RYR2: variants seen among roughly 807,000 people sequenced by gnomAD.
RYR2 encodes cardiac muscle ryanodine receptor-calcium release channel.
In RYR2, 227 loss-of-function variants were observed where a neutral mutation model predicts 601.1. The observed-to-expected ratio is 0.38, with a 90% confidence interval of 0.34 to 0.42. The LOEUF is 0.42. RYR2 is among the 10% of genes least tolerant of loss of function. The pLI, the probability that RYR2 is intolerant of heterozygous loss-of-function variation, is 1.00. For missense variants in RYR2, 4,646 were observed against 6,156.5 expected, an observed-to-expected ratio of 0.75 and a Z score of 8.21; for synonymous variants, 2,223 against 2,175.1, an observed-to-expected ratio of 1.02 and a Z score of -0.61.
In RYR2 at chr1:237,269,322, T is replaced by C. The variant is rs904548011; in HGVS notation, c.49-1175T>C. The stretch of plus-strand genomic sequence containing the variant: ...CCTCCCAAAGTGCTGGGATTATAGG[T>C]GTGAGCCACCGCGCCCGGCCATATA... On this transcript the variant is annotated intron_variant, in intron 1 of 104. Coordinates refer to ENST00000366574, the MANE Select transcript of RYR2 (RefSeq NM_001035.3). Among the ~76,000 whole-genome samples the C allele has an allele frequency of 1.1e-4, 17 of 151,712 alleles. No individual in the cohort carries two copies. In the South Asian group the frequency reaches 1.5e-3, roughly 13 times the overall value.
chr1:237,457,579 A>G (rs1047323244), intron 16 of RYR2, among the ~76,000 whole-genome samples: 1 of 152,220 alleles, frequency 6.6e-6, no homozygotes, highest in African/African-American at 2.4e-5. Flanking sequence ...AAGGGGACAG[A>G]TGACACCTGC....
At chr1:237,732,521 GTAGA>G (rs1427271977) in intron 78 of RYR2, among the ~76,000 whole-genome samples, 1 of 152,170 alleles carries the variant, frequency 6.6e-6, no homozygotes, top group Non-Finnish European at 1.5e-5. Flanking sequence ...AATTTTCTGG[GTAGA>G]TAGTGTCTCC....
intron 12 of RYR2, among the ~76,000 whole-genome samples, chr1:237,439,469 A>G (rs12028845): frequency 0.56 from 85,440 of 151,704 alleles, 24,626 homozygotes; most frequent in East Asian, 0.71. Flanking sequence ...ACATGGTGCA[A>G]TCTGTCTCTA....
chr1:237,654,278 T>G lies in RYR2; in HGVS notation c.7829T>G (p.Leu2610Arg). ...TATAATTGTTTTCCCACATAGCTGC[T>G]GACAAATCATTATGAAAGATGCTGG... The part of the protein sequence containing the change: ...NEHAKMPLKL[L>R]TNHYERCWKY... Residue 2610 changes from leucine to arginine, a missense_variant, in exon 52 of 105, where the codon CTG (leucine) becomes CGG (arginine). Physicochemically the swap from Leu to Arg is moderately radical, Grantham distance 102. Around this residue, in one of 17 missense-constraint regions of RYR2, gnomAD observed 1,497 missense variants for 1,842.6 expected, o/e 0.81. Transcript: ENST00000366574. 6.2e-7 allele frequency: 1 copy of G among 1,613,690 alleles called. No homozygotes were observed. The highest frequency in any genetic ancestry group is 8.5e-7 in the Non-Finnish European group (1 of 1,179,788).
At chr1:237,629,335 C>A (rs554022515) in intron 41 of RYR2, among the ~76,000 whole-genome samples, 1 of 150,928 alleles carries the variant, frequency 6.6e-6, no homozygotes, top group Admixed American at 6.6e-5. Flanking sequence ...AATATATGCA[C>A]GCAGGAAATC....
chr1:237,808,432 G>A (rs369458893), intron 99 of RYR2, among the ~76,000 whole-genome samples: 48 of 152,100 alleles, frequency 3.2e-4, no homozygotes, highest in Middle Eastern at 6.8e-3. Flanking sequence ...ATGCCGAGGC[G>A]GGCAGATCGC....
intron 3 of RYR2, among the ~76,000 whole-genome samples, chr1:237,339,849 G>A (rs1361331894): frequency 3.3e-5 from 5 of 152,150 alleles, no homozygotes; most frequent in Non-Finnish European, 7.4e-5. Context: ...ATTTCTAAAA[G>A]CAAGGCACTT....
chr1:237,726,281 A>T lies in RYR2; in HGVS notation c.10698A>T (p.Lys3566Asn). The change falls in exon 75 of 105, where the codon AAA becomes AAT. Residue 3566 changes from lysine to asparagine, a missense_variant. Transcript: ENST00000366574. ...NVLFHLEQKS[K>N]RVGRRHYCLV... Reference sequence around the variant, plus strand: ...ATTTTTATTTCTTTCAGAAGTCTAAACGTGTGGGTCGGAGACATTACTGTC... The same window carrying T: ...ATTTTTATTTCTTTCAGAAGTCTAATCGTGTGGGTCGGAGACATTACTGTC... The T allele has an allele frequency of 1.9e-6, 3 of 1,586,198 alleles. No individual in the cohort carries two copies. Among genetic ancestry groups the T allele is most frequent in the Non-Finnish European group, 2.6e-6 (3 of 1,161,528 alleles).
chr1:237,696,437 A>C (rs1324991539), intron 63 of RYR2, among the ~76,000 whole-genome samples: 12 of 151,736 alleles, frequency 7.9e-5, no homozygotes, highest in Admixed American at 7.9e-4. Flanking sequence ...ACTTATATTC[A>C]TGCTGGCTAG....
intron 82 of RYR2, among the ~76,000 whole-genome samples, chr1:237,759,205 G>A (rs1693206436): frequency 6.6e-6 from 1 of 152,096 alleles, no homozygotes; most frequent in African/African-American, 2.4e-5. Flanking sequence ...TCCTGCCTCA[G>A]CCTCCCGAGT....
intron 1 of RYR2, among the ~76,000 whole-genome samples, chr1:237,241,757 T>C (rs1420514646): frequency 6.6e-6 from 1 of 152,214 alleles, no homozygotes; most frequent in Non-Finnish European, 1.5e-5. Context: ...TGAGGGTTCC[T>C]TCCCTTTTTA....
intron 11 of RYR2, among the ~76,000 whole-genome samples, chr1:237,420,347 G>T (rs1262382381): frequency 4.6e-5 from 7 of 152,102 alleles, no homozygotes; most frequent in Admixed American, 3.9e-4. Context: ...AAATTAAAGG[G>T]TGACATATCA....
chr1:237,177,176 CCTT>C (rs1678148842), intron 1 of RYR2, among the ~76,000 whole-genome samples: 1 of 152,134 alleles, frequency 6.6e-6, no homozygotes. Flanking sequence ...CATGGGTCCT[CCTT>C]CTGGACTGGC....
intron 17 of RYR2, among the ~76,000 whole-genome samples, chr1:237,480,488 T>C (rs144524687): frequency 2.0e-5 from 3 of 152,202 alleles, no homozygotes; most frequent in Admixed American, 6.5e-5. Flanking sequence ...AATAAATGTT[T>C]GTATAGCATA....
intron 1 of RYR2, among the ~76,000 whole-genome samples, chr1:237,123,038 C>A (rs1392393163): frequency 6.6e-6 from 1 of 152,172 alleles, no homozygotes; most frequent in Non-Finnish European, 1.5e-5. Context: ...TATGCAACTG[C>A]TAAACACTGT....
At chr1:237,675,393 A>G (rs1685307956) in intron 60 of RYR2, among the ~76,000 whole-genome samples, 1 of 152,150 alleles carries the variant, frequency 6.6e-6, no homozygotes, top group South Asian at 2.1e-4. Flanking sequence ...TCTTAGATTC[A>G]GCACAGATGA....
At chr1:237,448,730 T>C (rs1460086537) in intron 14 of RYR2, among the ~76,000 whole-genome samples, 2 of 152,112 alleles carry the variant, frequency 1.3e-5, no homozygotes, top group African/African-American at 4.8e-5. Flanking sequence ...ATTATGAAAT[T>C]ACCTTCCTTA....
chr1:237,828,637 G>C (rs991107464), intron 102 of RYR2, among the ~76,000 whole-genome samples, 192 bp downstream of exon 102: 2 of 152,170 alleles, frequency 1.3e-5, no homozygotes, highest in Admixed American at 1.3e-4. Context: ...TGTGGTGGAC[G>C]CCACATGCAT....
chr1:237,455,265 C>T (rs960777994), intron 15 of RYR2, among the ~76,000 whole-genome samples: 1 of 151,998 alleles, frequency 6.6e-6, no homozygotes, highest in South Asian at 2.1e-4. Context: ...CAGGCTTGTT[C>T]AGCTGGATTC....
Sources: gnomAD v4.1 joint callset for allele counts (sites outside exome capture counted in the v4.1 genomes callset) on GRCh38, gnomAD v4.1.1 for gene constraint, gnomAD v4.1.1 regional missense constraint, MANE v1.5 for transcripts, NCBI Gene and HGNC (gene_info 2026-07-23, HGNC 2026-07-21) for gene names.